Variants in FOXJ3 observed in about 807,000 individuals in gnomAD.
The protein encoded by FOXJ3 is forkhead box protein J3.
FOXJ3 carries 22 observed loss-of-function variants against 76.1 expected under a neutral mutation model. The observed-to-expected ratio is 0.29, with a 90% CI of 0.21 to 0.41. The LOEUF (loss-of-function observed/expected upper bound fraction) is 0.41, where lower values mean the gene tolerates loss of function less well. Ranked by LOEUF, FOXJ3 falls within the 10% of genes least tolerant of loss-of-function variation. The pLI is 1.00. For synonymous variants in FOXJ3, 269 were observed against 261.2 expected (o/e 1.03, Z -0.29); for missense variants, 613 against 762.1 (o/e 0.80, Z 2.30).
At chr1:42,320,725 CA>C (rs1655384177) in intron 1 of FOXJ3, among the ~76,000 whole-genome samples, 2 of 152,130 alleles carry the variant, frequency 1.3e-5, no homozygotes, top group South Asian at 2.1e-4. Flanking sequence ...ATGAAAAATT[CA>C]AAAGCTAATC....
intron 8 of FOXJ3, among the ~76,000 whole-genome samples, chr1:42,193,897 G>T (rs1343510136): frequency 1.3e-5 from 2 of 152,152 alleles, no homozygotes; most frequent in Non-Finnish European, 2.9e-5. Flanking sequence ...AAAAGGGGTT[G>T]AGAGAACTAG....
chr1:42,229,791 A>T (rs567710694), intron 4 of FOXJ3, among the ~76,000 whole-genome samples: 1 of 152,332 alleles, frequency 6.6e-6, no homozygotes, highest in South Asian at 2.1e-4. Context: ...AGGGGGAAAA[A>T]TTTTATACTG....
At chr1:42,203,204 T>C (rs1327569292) in intron 6 of FOXJ3, among the ~76,000 whole-genome samples, 1 of 152,254 alleles carries the variant, frequency 6.6e-6, no homozygotes, top group Non-Finnish European at 1.5e-5. Flanking sequence ...GTAAATTTTC[T>C]ATAACTCATC....
chr1:42,179,618 C>T lies in FOXJ3; in HGVS notation c.*92G>A, dbSNP rs1056182737. 1 of 743,508 alleles carries T rather than the reference C, an allele frequency of 1.3e-6. No homozygotes were observed. Among genetic ancestry groups the T allele is most frequent in the Non-Finnish European group, 2.3e-6 (1 of 427,168 alleles). The allele number at this position is 743,508 out of a possible 1,614,324, so 46.1% of individuals were successfully genotyped here. A position where few individuals can be genotyped will look rare whatever the true frequency, so the allele number is the denominator to read the frequency against. On this transcript the variant is annotated 3_prime_UTR_variant, in exon 13 of 13. Coordinates refer to ENST00000361346, the MANE Select transcript of FOXJ3 (RefSeq NM_014947.5). The stretch of plus-strand genomic sequence containing the variant: ...TTGATAACATTGGTAAAGTGATTAG[C>T]AAGTTTGTTTTCTCAACTGGATTCT...
intron 3 of FOXJ3, among the ~76,000 whole-genome samples, chr1:42,271,186 T>C (rs965602250): frequency 6.6e-6 from 1 of 152,114 alleles, no homozygotes; most frequent in Non-Finnish European, 1.5e-5. Context: ...GTATATAAGG[T>C]ATATACCAAA....
chr1:42,194,740 G>T lies in FOXJ3; in HGVS notation c.934+150C>A, dbSNP rs929664884. 1.7e-5 allele frequency: 10 copies of T among 575,096 alleles called. No homozygotes were observed. The African/African-American group carries it at 1.9e-4, about 11-fold the overall frequency. 35.6% of individuals were successfully genotyped at this position (575,096 alleles called of 1,614,324 possible). On this transcript the variant is annotated intron_variant, in intron 8 of 12. Coordinates refer to ENST00000361346, the MANE Select transcript of FOXJ3 (RefSeq NM_014947.5). ...TGTGCTATGATATAAATAGAACACA[G>T]TAAAGGCACAAAGGGCAAAATACAA...
intron 2 of FOXJ3, chr1:42,280,300 A>T (rs2124679547): frequency 1.0e-6 from 1 of 983,986 alleles, no homozygotes; most frequent in East Asian, 1.1e-4. Flanking sequence ...ACTGCCAGTA[A>T]ATTGAGTCCT....
intron 11 of FOXJ3, among the ~76,000 whole-genome samples, chr1:42,184,307 C>T (rs1557616071): frequency 1.3e-5 from 2 of 152,088 alleles, no homozygotes; most frequent in South Asian, 4.2e-4. Flanking sequence ...AATCTTTTAC[C>T]ACTTCTCTTT....
intron 4 of FOXJ3, among the ~76,000 whole-genome samples, chr1:42,237,427 T>TATACAC (rs1166082659): frequency 1.5e-5 from 2 of 129,918 alleles, no homozygotes; most frequent in African/African-American, 5.4e-5. Context: ...TATATATATA[T>TATACAC]ACATACATAC....
chr1:42,290,112 G>C (rs1338214379), intron 2 of FOXJ3, among the ~76,000 whole-genome samples: 5 of 152,052 alleles, frequency 3.3e-5, no homozygotes, highest in African/African-American at 9.7e-5. Flanking sequence ...AGAAGAAAAA[G>C]ATAGTTAAAG....
Position 42,290,003 on chromosome 1 carries a change from T to C in FOXJ3, c.45-11331A>G, listed in dbSNP as rs796893798. Among the ~76,000 whole-genome samples, 10 of 152,246 alleles carry C rather than the reference T, an allele frequency of 6.6e-5. No individual in the cohort carries two copies. In the East Asian group the frequency reaches 7.7e-4, roughly 12 times the overall value. On this transcript the variant is annotated intron_variant, in intron 2 of 12. Coordinates refer to ENST00000361346, the MANE Select transcript of FOXJ3 (RefSeq NM_014947.5). Reference sequence around the variant, plus strand: ...CAACTAGAATTAAAATGTTAGAAGATAGTAAATAAGTACGTTCCCTTGAGC... The same window carrying C: ...CAACTAGAATTAAAATGTTAGAAGACAGTAAATAAGTACGTTCCCTTGAGC...
intron 2 of FOXJ3, among the ~76,000 whole-genome samples, chr1:42,306,873 G>T (rs908716524): frequency 6.6e-6 from 1 of 152,044 alleles, no homozygotes; most frequent in Non-Finnish European, 1.5e-5. Flanking sequence ...ATATCTTCTT[G>T]TACCCTATTT....
At chr1:42,282,836 T>C (rs972447688) in intron 2 of FOXJ3, among the ~76,000 whole-genome samples, 10 of 152,280 alleles carry the variant, frequency 6.6e-5, no homozygotes, top group African/African-American at 2.2e-4. Flanking sequence ...TAAATACACC[T>C]ATCACAGAAT....
intron 2 of FOXJ3, among the ~76,000 whole-genome samples, chr1:42,278,978 G>A (rs191910635): frequency 6.6e-6 from 1 of 152,108 alleles, no homozygotes; most frequent in East Asian, 1.9e-4. Flanking sequence ...GTTTCTTTAA[G>A]AGGGCAACAG....
chr1:42,335,835 C>T (rs957334127), upstream of FOXJ3: 1 of 152,102 alleles, frequency 6.6e-6, no homozygotes, highest in African/African-American at 2.4e-5. Context: ...GGAGTTGGAC[C>T]TCTAAAGGCC....
At chr1:42,216,471 T>C (rs1400231752) in intron 5 of FOXJ3, among the ~76,000 whole-genome samples, 1 of 150,092 alleles carries the variant, frequency 6.7e-6, no homozygotes, top group Non-Finnish European at 1.5e-5. Flanking sequence ...TGAGCCGAGA[T>C]CGCGCCACTG....
chr1:42,269,067 C>T (rs1379374114), intron 3 of FOXJ3, among the ~76,000 whole-genome samples: 1 of 152,126 alleles, frequency 6.6e-6, no homozygotes, highest in Non-Finnish European at 1.5e-5. Context: ...GTAAGCCCCC[C>T]ACTCTAGGTT....
intron 4 of FOXJ3, among the ~76,000 whole-genome samples, chr1:42,232,956 G>T (rs1276365126): frequency 8.7e-5 from 13 of 149,574 alleles, no homozygotes; most frequent in Non-Finnish European, 1.5e-4. Context: ...TAATCCATCT[G>T]GAATTAATTT....
intron 1 of FOXJ3, among the ~76,000 whole-genome samples, chr1:42,323,124 G>A (rs1655531938): frequency 1.3e-5 from 2 of 152,112 alleles, no homozygotes; most frequent in South Asian, 4.1e-4. Context: ...TTAGCTTGGA[G>A]AAGAAAACAC....
Sources: gnomAD v4.1 joint callset for allele counts (sites outside exome capture counted in the v4.1 genomes callset) on GRCh38, gnomAD v4.1.1 for gene constraint, MANE v1.5 for transcripts, NCBI Gene and HGNC (gene_info 2026-07-23, HGNC 2026-07-21) for gene names.